Variants in PRDM5 observed in about 807,000 individuals in gnomAD.
PRDM5 encodes PR domain zinc finger protein 5.
A neutral mutation model predicts 81.2 loss-of-function variants in PRDM5; 56 were observed. The ratio of observed to expected loss-of-function variants is 0.69; its 90% confidence interval spans 0.56 to 0.86. The LOEUF (loss-of-function observed/expected upper bound fraction) is 0.86. PRDM5 is among the 40% of genes least tolerant of loss of function. The pLI, the probability that PRDM5 is intolerant of heterozygous loss-of-function variation, is 0.00. For synonymous variants in PRDM5, 267 were observed against 256.4 expected (o/e 1.04, Z -0.39); for missense variants, 697 against 770.1 (o/e 0.91, Z 1.12).
chr4:120,768,210 T>C (rs1036402340), intron 13 of PRDM5, among the ~76,000 whole-genome samples: 14 of 152,184 alleles, frequency 9.2e-5, no homozygotes, highest in Non-Finnish European at 2.9e-5. Context: ...ATTTCTGTAA[T>C]TCTTGTGGTA....
At chr4:120,858,579 G>A (rs982059254) in intron 2 of PRDM5, among the ~76,000 whole-genome samples, 28 of 149,030 alleles carry the variant, frequency 1.9e-4, no homozygotes, top group Non-Finnish European at 2.7e-4. Flanking sequence ...GCGTGCGTGC[G>A]CGCGCACGCA....
chr4:120,912,164 T>C (rs1401848223), intron 1 of PRDM5, among the ~76,000 whole-genome samples: 1 of 152,084 alleles, frequency 6.6e-6, no homozygotes, highest in Non-Finnish European at 1.5e-5. Context: ...AAAATATATA[T>C]CCATTTAGCA....
Position 120,816,830 on chromosome 4 carries a change from A to T in PRDM5, c.743+2T>A, listed in dbSNP as rs1332611814. ...AGCCATTTCATAACTCAGACACAAA[A>T]CCTCGATGCTGAACTGAAGGAAGAA... On this transcript the variant is annotated splice_donor_variant, in intron 6 of 15. Transcript: ENST00000264808. LOFTEE classifies it high-confidence loss of function. 6.2e-7 allele frequency: 1 copy of T among 1,612,312 alleles called. No homozygotes were observed. Among genetic ancestry groups the T allele is most frequent in the East Asian group, 2.2e-5 (1 of 44,870 alleles).
chr4:120,914,612 C>T (rs993693762), intron 1 of PRDM5, among the ~76,000 whole-genome samples: 11 of 152,202 alleles, frequency 7.2e-5, no homozygotes, highest in Non-Finnish European at 1.3e-4. Flanking sequence ...AAGAGAAGCA[C>T]GCACCTTCTT....
intron 3 of PRDM5, among the ~76,000 whole-genome samples, chr4:120,826,976 T>C (rs1756073397): frequency 6.6e-6 from 1 of 152,198 alleles, no homozygotes. Context: ...ATCTCTTCTC[T>C]GTACACATAA....
At chr4:120,881,111 G>A (rs1055083332) in intron 2 of PRDM5, among the ~76,000 whole-genome samples, 2 of 152,090 alleles carry the variant, frequency 1.3e-5, no homozygotes, top group Non-Finnish European at 2.9e-5. Flanking sequence ...TCAACAACCA[G>A]CTAGGTTATA....
chr4:120,748,113 T>A (rs142519377), intron 14 of PRDM5, among the ~76,000 whole-genome samples: 14 of 152,356 alleles, frequency 9.2e-5, no homozygotes, highest in Non-Finnish European at 1.5e-4. Context: ...AATTTCCAGA[T>A]GATCCATAGT....
rs762505743 is a variant in PRDM5, at chr4:120,777,219, A to G, written c.1506T>C (p.Gly502=). Residue 502 remains glycine (G), a synonymous_variant, in exon 13 of 16, where the codon GGT becomes GGC. Coordinates refer to ENST00000264808, the MANE Select transcript of PRDM5 (RefSeq NM_018699.4). ...PYCGQKFASS[G]TLRVHIRSHT... ...GGCTCCGGATATGAACTCTGAGTGTACCACTGCTGGCAAATTTCTGGCCAC... is the reference window on the plus strand; with the variant it reads ...GGCTCCGGATATGAACTCTGAGTGTGCCACTGCTGGCAAATTTCTGGCCAC... 6.2e-7 allele frequency: 1 copy of G among 1,613,468 alleles called. No homozygotes were observed. The highest frequency in any genetic ancestry group is 1.1e-5 in the South Asian group (1 of 91,080).
At position 120,798,366 on chromosome 4, in the gene PRDM5, C is replaced by CA; in HGVS notation, c.1088dup (p.Ala365CysfsTer31). The CA allele has an allele frequency of 1.9e-6, 3 of 1,613,224 alleles. No homozygotes were observed. Among genetic ancestry groups the CA allele is most frequent in the Non-Finnish European group, 2.5e-6 (3 of 1,179,434 alleles). On this transcript the variant is annotated frameshift_variant, in exon 10 of 16. Transcript: ENST00000264808. LOFTEE classifies it high-confidence loss of function. ...CGCTGTGTATTACTTTGTGAGCACC[C>CA]ACTTGATCAAGCCTCTTGAAAGACT...
At chr4:120,774,302 T>C (rs1747732345) in intron 13 of PRDM5, among the ~76,000 whole-genome samples, 1 of 152,202 alleles carries the variant, frequency 6.6e-6, no homozygotes, top group Admixed American at 6.5e-5. Context: ...GACGAATAGG[T>C]CGTGACTGTC....
intron 3 of PRDM5, among the ~76,000 whole-genome samples, chr4:120,841,218 A>G (rs1250754792): frequency 6.6e-6 from 1 of 152,222 alleles, no homozygotes; most frequent in Non-Finnish European, 1.5e-5. Context: ...ACTTGGCTTA[A>G]TACAGTATAA....
rs914581204 is a variant in PRDM5 at position 120,693,943 on chromosome 4, G to T, written c.*1168C>A. The T allele has an allele frequency of 6.6e-6, 1 of 152,060 alleles. No homozygotes were observed. Among genetic ancestry groups the T allele is most frequent in the African/African-American group, 2.4e-5 (1 of 41,424 alleles). 9.4% of individuals were successfully genotyped at this position (152,060 alleles called of 1,614,324 possible). A position where few individuals can be genotyped will look rare whatever the true frequency, so the allele number is the denominator to read the frequency against. ...TTTGCTGAAATATAACCTAAAGGAA[G>T]AAATTATGCTTCTTGCTTCAATTTC... On this transcript the variant is annotated 3_prime_UTR_variant, in exon 16 of 16. Transcript: ENST00000264808.
rs777677648 is a variant in PRDM5 at position 120,816,931 on chromosome 4, G to A, written c.651-7C>T. The A allele has an allele frequency of 1.2e-6, 2 of 1,603,170 alleles. No individual in the cohort carries two copies. The highest frequency in any genetic ancestry group is 1.1e-5 in the South Asian group (1 of 90,778). ...CGCTGTGCACTGAAGAACACTAAAG[G>A]GAAATAGGAAAAAGAGAAAGAAAAG... On this transcript the variant is annotated splice_region_variant and splice_polypyrimidine_tract_variant and intron_variant, in intron 5 of 15. Transcript: ENST00000264808.
chr4:120,919,110 A>T (rs558694281), intron 1 of PRDM5, among the ~76,000 whole-genome samples: 138 of 152,276 alleles, frequency 9.1e-4, no homozygotes, highest in South Asian at 1.9e-3. Context: ...CTCTGCTCAG[A>T]AGTCATTTCC....
chr4:120,812,789 G>C (rs1169299363), intron 7 of PRDM5: 1 of 413,232 alleles, frequency 2.4e-6, no homozygotes, highest in Admixed American at 3.1e-5. Flanking sequence ...TATAAAACAG[G>C]CCTTTCACTT....
At chr4:120,913,010 C>A (rs1308834501) in intron 1 of PRDM5, among the ~76,000 whole-genome samples, 2 of 152,186 alleles carry the variant, frequency 1.3e-5, no homozygotes, top group African/African-American at 4.8e-5. Context: ...TGAAAAATAA[C>A]CAATCTTCCT....
At chr4:120,764,073 A>AGCACATT (rs1746027349) in intron 13 of PRDM5, among the ~76,000 whole-genome samples, 1 of 152,140 alleles carries the variant, frequency 6.6e-6, no homozygotes, top group South Asian at 2.1e-4. Flanking sequence ...GGGAAATCAA[A>AGCACATT]TCTCCTTTTA....
intron 15 of PRDM5, among the ~76,000 whole-genome samples, chr4:120,707,576 A>AC (rs1322401602): frequency 1.3e-5 from 2 of 151,816 alleles, no homozygotes; most frequent in Non-Finnish European, 2.9e-5. Context: ...ACAAAAACAA[A>AC]CAAAAAAAAA....
intron 11 of PRDM5, among the ~76,000 whole-genome samples, chr4:120,781,529 G>A (rs1484170339): frequency 6.6e-6 from 1 of 152,134 alleles, no homozygotes; most frequent in East Asian, 1.9e-4. Context: ...ACTGGAAAAC[G>A]TGGGGACTGA....
Sources: gnomAD v4.1 joint callset for allele counts (sites outside exome capture counted in the v4.1 genomes callset) on GRCh38, gnomAD v4.1.1 for gene constraint, MANE v1.5 for transcripts, NCBI Gene and HGNC (gene_info 2026-07-23, HGNC 2026-07-21) for gene names.